DLGAP2: variants seen among roughly 807,000 people sequenced by gnomAD.
DLGAP2 encodes the protein disks large-associated protein 2.
In DLGAP2, 26 loss-of-function variants were observed where a neutral mutation model predicts 100.3. The ratio of observed to expected loss-of-function variants is 0.26; its 90% CI spans 0.19 to 0.36. The LOEUF is 0.36. Among genes scored for constraint, DLGAP2 ranks in the 10% least tolerant of loss-of-function variants. DLGAP2 has a pLI of 1.00. For synonymous variants in DLGAP2, 886 were observed against 630.1 expected (o/e 1.41, Z -6.08); for missense variants, 1,858 against 1,453.2 (o/e 1.28, Z -4.53).
intron 3 of DLGAP2, among the ~76,000 whole-genome samples, chr8:1,459,501 G>C (rs777779736): frequency 2.0e-5 from 3 of 152,264 alleles, no homozygotes; most frequent in Non-Finnish European, 2.9e-5. Context: ...GTTTGTCACT[G>C]TCAGGAAAAC....
intron 8 of DLGAP2, among the ~76,000 whole-genome samples, chr8:1,645,022 G>C (rs1387568007): frequency 6.6e-6 from 1 of 152,202 alleles, no homozygotes; most frequent in African/African-American, 2.4e-5. Context: ...TTAAGGCCAG[G>C]CATTCAAGGT....
In DLGAP2 at chr8:1,206,422, C is replaced by T. The variant is rs111454990; in HGVS notation, c.74-52429C>T. Among the ~76,000 whole-genome samples, 203 of 46,268 alleles carry T rather than the reference C, an allele frequency of 4.4e-3. 1 individual carries two copies. Among genetic ancestry groups the T allele is most frequent in the Middle Eastern group, 0.029 (2 of 70 alleles). The allele number at this position is 46,268 out of a possible 152,430, so 30.4% of individuals were successfully genotyped here. A position where few individuals can be genotyped will look rare whatever the true frequency, so the allele number is the denominator to read the frequency against. ...TCCGTGGACTGGGGTAGACTGTGAG[C>T]GGTTAATCTCCAGCCATCCGTGGAC... On this transcript the variant is annotated intron_variant, in intron 2 of 14. Transcript: ENST00000637795.
rs551867292 is a variant in DLGAP2, at chr8:1,489,302, T to A, written c.107-12064T>A. Among the ~76,000 whole-genome samples the A allele has an allele frequency of 2.0e-5, 3 of 152,326 alleles. No individual in the cohort carries two copies. The East Asian group carries it at 5.8e-4, about 29-fold the overall frequency. Reference sequence around the variant, plus strand: ...ATGTCTTCCTCACTGTCTGTGAGTCTCCTGCAAGAGGCACCATGCGTGGAT... The same window carrying A: ...ATGTCTTCCTCACTGTCTGTGAGTCACCTGCAAGAGGCACCATGCGTGGAT... On this transcript the variant is annotated intron_variant, in intron 3 of 14. Transcript: ENST00000637795.
intron 6 of DLGAP2, among the ~76,000 whole-genome samples, chr8:1,580,152 A>G (rs1803168871): frequency 6.6e-6 from 1 of 152,238 alleles, no homozygotes; most frequent in Non-Finnish European, 1.5e-5. Context: ...AGGGCAATCA[A>G]TACAAGATTC....
chr8:1,093,101 C>T (rs1804239161), intron 2 of DLGAP2, among the ~76,000 whole-genome samples: 1 of 152,224 alleles, frequency 6.6e-6, no homozygotes, highest in Non-Finnish European at 1.5e-5. Flanking sequence ...TCCTTGGGGA[C>T]CGCACGCTTC....
In DLGAP2 at chr8:1,094,418, C is replaced by G. The variant is rs546839534; in HGVS notation, c.74-164433C>G. 7.9e-5 allele frequency among the ~76,000 whole-genome samples: 12 copies of G among 152,326 alleles called. No individual in the cohort carries two copies. In the East Asian group the frequency reaches 1.9e-3, roughly 24 times the overall value. On this transcript the variant is annotated intron_variant, in intron 2 of 14. Coordinates refer to ENST00000637795, the MANE Select transcript of DLGAP2 (RefSeq NM_001346810.2). Reference sequence around the variant, plus strand: ...TCCAGTATTTACGGTAAAACTGAGGCCTTCCTGTCAGTACAGAGAATGAAT... The same window carrying G: ...TCCAGTATTTACGGTAAAACTGAGGGCTTCCTGTCAGTACAGAGAATGAAT...
At chr8:1,449,234 T>C (rs1798070682) in intron 3 of DLGAP2, among the ~76,000 whole-genome samples, 1 of 152,236 alleles carries the variant, frequency 6.6e-6, no homozygotes, top group Non-Finnish European at 1.5e-5. Flanking sequence ...GGGAGGTTTT[T>C]ACACGTACCA....
chr8:1,421,197 CTCTAACA>C (rs1452714230), intron 3 of DLGAP2, among the ~76,000 whole-genome samples: 1 of 152,228 alleles, frequency 6.6e-6, no homozygotes, highest in African/African-American at 2.4e-5. Context: ...TGGAACATAG[CTCTAACA>C]TCTGAGTGTT....
chr8:1,266,664 C>T (rs1423031115), intron 3 of DLGAP2, among the ~76,000 whole-genome samples: 3 of 152,124 alleles, frequency 2.0e-5, no homozygotes, highest in South Asian at 2.1e-4. Flanking sequence ...CGTACGCCTC[C>T]GTGGGTGCAC....
intron 2 of DLGAP2, among the ~76,000 whole-genome samples, chr8:1,075,021 G>T (rs1803561021): frequency 2.0e-5 from 3 of 152,156 alleles, no homozygotes; most frequent in Admixed American, 2.0e-4. Context: ...GGGGTGGAGT[G>T]GGGGATGGCG....
At chr8:1,613,908 A>G (rs896084386) in intron 6 of DLGAP2, among the ~76,000 whole-genome samples, 2 of 152,242 alleles carry the variant, frequency 1.3e-5, no homozygotes, top group Non-Finnish European at 2.9e-5. Flanking sequence ...GTTGAATGCC[A>G]AAGGACTAAA....
chr8:1,129,401 C>CAAAAAAA (rs35118074), intron 2 of DLGAP2, among the ~76,000 whole-genome samples: 1 of 112,062 alleles, frequency 8.9e-6, no homozygotes, highest in Non-Finnish European at 1.9e-5. Context: ...GACTCCATCT[C>CAAAAAAA]AAAAAAAAAA....
At chr8:1,597,404 G>A (rs1226650641) in intron 6 of DLGAP2, among the ~76,000 whole-genome samples, 1 of 151,134 alleles carries the variant, frequency 6.6e-6, no homozygotes, top group Admixed American at 6.6e-5. Flanking sequence ...ATTCTGTGAA[G>A]AAAGTCAATG....
intron 3 of DLGAP2, among the ~76,000 whole-genome samples, chr8:1,269,795 G>T (rs1799541932): frequency 6.6e-6 from 1 of 152,172 alleles, no homozygotes; most frequent in Non-Finnish European, 1.5e-5. Flanking sequence ...TTTAGACACT[G>T]ACATTGTATT....
chr8:1,209,410 C>G (rs547937008), intron 2 of DLGAP2, among the ~76,000 whole-genome samples: 37 of 152,244 alleles, frequency 2.4e-4, no homozygotes, highest in Non-Finnish European at 4.6e-4. Context: ...ATTTTAAATT[C>G]CAAAAAGACA....
chr8:1,514,948 CGCAGGGAGACCGACGT>C (rs1326269867), intron 4 of DLGAP2, among the ~76,000 whole-genome samples: 2 of 151,884 alleles, frequency 1.3e-5, no homozygotes, highest in Non-Finnish European at 2.9e-5. Context: ...GGCAGGAGCA[CGCAGGGAGACCGACGT>C]GCAGGGACAC....
chr8:931,075 A>ATT (rs112153895), intron 2 of DLGAP2, among the ~76,000 whole-genome samples: 40 of 147,500 alleles, frequency 2.7e-4, no homozygotes, highest in Middle Eastern at 3.5e-3. Context: ...AAAAGGGAGG[A>ATT]TTTTTTTTTT....
At chr8:927,306 T>C (rs1798837505) in intron 2 of DLGAP2, 1 of 888,232 alleles carries the variant, frequency 1.1e-6, no homozygotes, top group African/African-American at 1.8e-5. Context: ...GCGACTGTTT[T>C]CTTACTTGAA....
chr8:1,697,434 A>ATGTGTGCACATGTG, intron 14 of DLGAP2, 135 bp downstream of exon 14: 1 of 1,219,638 alleles, frequency 8.2e-7, no homozygotes, highest in Admixed American at 2.5e-5. Flanking sequence ...CCCTCTATGT[A>ATGTGTGCACATGTG]TGTGTGCACA....
Sources: allele counts gnomAD v4.1 joint callset (sites outside exome capture counted in the v4.1 genomes callset), GRCh38; gene constraint gnomAD v4.1.1; transcripts MANE v1.5; gene names NCBI Gene and HGNC (gene_info 2026-07-23, HGNC 2026-07-21).